The following SGCZ variants were observed in gnomAD, a reference collection of about 807,000 sequenced individuals.
SGCZ encodes sarcoglycan zeta.
Under a neutral mutation model 41.3 loss-of-function variants are expected in SGCZ, and 40 were observed. The ratio of observed to expected loss-of-function variants is 0.97; its 90% CI spans 0.75 to 1.26. The LOEUF (loss-of-function observed/expected upper bound fraction) is 1.26. Among genes scored for constraint, SGCZ ranks in the 50% most tolerant of loss-of-function variants. SGCZ has a pLI of 0.00. For missense variants in SGCZ, 552 were observed against 369.8 expected, an observed-to-expected ratio of 1.49 and a Z score of -4.04; for synonymous variants, 206 against 137.5, an observed-to-expected ratio of 1.50 and a Z score of -3.49.
chr8:14,529,543 T>C (rs1803060922), intron 2 of SGCZ, among the ~76,000 whole-genome samples: 1 of 152,164 alleles, frequency 6.6e-6, no homozygotes, highest in African/African-American at 2.4e-5. Context: ...AGCCCTCATC[T>C]AGGATTGTAC....
At chr8:14,567,558 C>A (rs1425688752) in intron 1 of SGCZ, among the ~76,000 whole-genome samples, 1 of 152,132 alleles carries the variant, frequency 6.6e-6, no homozygotes. Context: ...GACCAATCAG[C>A]AGGATGTGGG....
At chr8:14,826,782 T>C (rs903386376) in intron 1 of SGCZ, among the ~76,000 whole-genome samples, 1 of 152,180 alleles carries the variant, frequency 6.6e-6, no homozygotes, top group Non-Finnish European at 1.5e-5. Context: ...GATGGGGTTG[T>C]TTGTTTTCTT....
intron 1 of SGCZ, among the ~76,000 whole-genome samples, chr8:14,964,267 G>C (rs1425648792): frequency 6.6e-6 from 1 of 152,090 alleles, no homozygotes; most frequent in African/African-American, 2.4e-5. Context: ...AAATGACACA[G>C]ATAAAATCTG....
intron 1 of SGCZ, among the ~76,000 whole-genome samples, chr8:15,103,608 G>A (rs373049221): frequency 2.6e-4 from 40 of 152,008 alleles, no homozygotes; most frequent in African/African-American, 8.2e-4. Context: ...TCAAACTAGA[G>A]GAAGATTCAT....
intron 1 of SGCZ, among the ~76,000 whole-genome samples, chr8:14,969,232 A>T (rs1801216547): frequency 6.6e-6 from 1 of 152,096 alleles, no homozygotes; most frequent in Non-Finnish European, 1.5e-5. Context: ...AAATCATGTT[A>T]TTATATTTGG....
chr8:14,624,559 T>TA (rs1563161354), intron 1 of SGCZ, among the ~76,000 whole-genome samples: 941 of 94,006 alleles, frequency 0.01, 4 homozygotes, highest in South Asian at 0.031. Flanking sequence ...ATTATTATTT[T>TA]TTTTTTTTTT....
intron 1 of SGCZ, among the ~76,000 whole-genome samples, chr8:14,900,969 A>G (rs1485146037): frequency 6.6e-6 from 1 of 152,200 alleles, no homozygotes; most frequent in African/African-American, 2.4e-5. Flanking sequence ...GTGGACTGTG[A>G]TAGTCTAGAT....
intron 1 of SGCZ, among the ~76,000 whole-genome samples, chr8:14,599,969 T>G (rs1805534082): frequency 6.6e-6 from 1 of 152,228 alleles, no homozygotes; most frequent in South Asian, 2.1e-4. Flanking sequence ...TCTCTTCAAA[T>G]AATTATTTTT....
At chr8:14,510,785 C>T (rs909008319) in intron 2 of SGCZ, among the ~76,000 whole-genome samples, 5 of 152,058 alleles carry the variant, frequency 3.3e-5, no homozygotes, top group African/African-American at 1.2e-4. Context: ...GCATTTTGCT[C>T]CTTTGAGTTA....
chr8:15,110,089 C>T (rs538243707), intron 1 of SGCZ, among the ~76,000 whole-genome samples: 1 of 152,056 alleles, frequency 6.6e-6, no homozygotes, highest in Non-Finnish European at 1.5e-5. Flanking sequence ...CTATCGTGAG[C>T]TTAGAAATCT....
At chr8:14,189,019 C>CTTTTTTTTTTTTTTTTT (rs60448346) in intron 4 of SGCZ, among the ~76,000 whole-genome samples, 1 of 142,422 alleles carries the variant, frequency 7.0e-6, no homozygotes, top group Non-Finnish European at 1.5e-5. Flanking sequence ...CCACGCCCAG[C>CTTTTTTTTTTTTTTTTT]TTTTTTTTTT....
intron 3 of SGCZ, among the ~76,000 whole-genome samples, chr8:14,246,541 AC>A (rs1799098005): frequency 6.6e-6 from 1 of 151,966 alleles, no homozygotes. Flanking sequence ...GCACATGTAT[AC>A]ATATGTAACT....
chr8:15,017,370 G>A (rs369649819), intron 1 of SGCZ, among the ~76,000 whole-genome samples: 4 of 152,266 alleles, frequency 2.6e-5, no homozygotes, highest in African/African-American at 7.2e-5. Context: ...CGTACAGTGA[G>A]GCCTGATCCA....
intron 1 of SGCZ, among the ~76,000 whole-genome samples, chr8:14,974,009 A>T (rs1801383220): frequency 6.6e-6 from 1 of 152,184 alleles, no homozygotes; most frequent in Non-Finnish European, 1.5e-5. Context: ...AAAACAAGGA[A>T]TAATTTTTCC....
At chr8:14,244,894 T>A (rs1172530981) in intron 3 of SGCZ, among the ~76,000 whole-genome samples, 1 of 152,028 alleles carries the variant, frequency 6.6e-6, no homozygotes, top group African/African-American at 2.4e-5. Context: ...GCTCTCTGTT[T>A]GTCTGTTATT....
intron 1 of SGCZ, among the ~76,000 whole-genome samples, chr8:14,985,891 G>A (rs1476568575): frequency 4.6e-5 from 7 of 152,092 alleles, no homozygotes; most frequent in Non-Finnish European, 1.0e-4. Context: ...AAATGAATGT[G>A]GCAGAAAACA....
At chr8:14,481,767 A>C (rs1801540791) in intron 2 of SGCZ, among the ~76,000 whole-genome samples, 1 of 152,204 alleles carries the variant, frequency 6.6e-6, no homozygotes, top group Non-Finnish European at 1.5e-5. Flanking sequence ...ATTGAAGTAA[A>C]ATGTTCAGTA....
chr8:14,746,012 G>C (rs1312294086), intron 1 of SGCZ, among the ~76,000 whole-genome samples: 1 of 151,530 alleles, frequency 6.6e-6, no homozygotes, highest in East Asian at 1.9e-4. Flanking sequence ...TTATTCTCTT[G>C]TTTTCTTACA....
intron 2 of SGCZ, among the ~76,000 whole-genome samples, chr8:14,510,668 G>GA (rs1802442037): frequency 1.3e-5 from 2 of 152,136 alleles, no homozygotes; most frequent in Admixed American, 6.6e-5. Context: ...AGATATGAAT[G>GA]AAAAAGAAGA....
Sources: gnomAD v4.1 joint callset for allele counts (sites outside exome capture counted in the v4.1 genomes callset) on GRCh38, gnomAD v4.1.1 for gene constraint, MANE v1.5 for transcripts, NCBI Gene and HGNC (gene_info 2026-07-23, HGNC 2026-07-21) for gene names.